The following WDR44 variants were observed in gnomAD, a reference collection of about 807,000 sequenced individuals.
WDR44 encodes WD repeat-containing protein 44.
Under a neutral mutation model 65.7 loss-of-function variants are expected in WDR44, and 9 were observed. The observed-to-expected ratio is 0.14, with a 90% confidence interval of 0.08 to 0.24. The LOEUF (loss-of-function observed/expected upper bound fraction) is 0.24, where lower values mean the gene tolerates loss of function less well. Among genes scored for constraint, WDR44 ranks in the 10% least tolerant of loss-of-function variants. WDR44 has a pLI of 1.00. For synonymous variants in WDR44, 220 were observed against 235.2 expected (o/e 0.94, Z 0.59); for missense variants, 425 against 670.9 (o/e 0.63, Z 4.05).
At chrX:118,382,794 T>C (rs1307959919) in intron 2 of WDR44, among the ~76,000 whole-genome samples, 1 of 112,114 alleles carries the variant, frequency 8.9e-6, no homozygotes, top group Admixed American at 9.5e-5. Context: ...TACCATACCT[T>C]TTAAGGAAGC....
chrX:118,378,125 T>C lies in WDR44; in HGVS notation c.78-294T>C, dbSNP rs186051436. Among the ~76,000 whole-genome samples, 5 of 110,223 alleles carry C rather than the reference T, an allele frequency of 4.5e-5. 1 individual carries two copies. Among genetic ancestry groups the C allele is most frequent in the African/African-American group, 1.7e-4 (5 of 30,278 alleles). On this transcript the variant is annotated intron_variant, in intron 1 of 19. Coordinates refer to ENST00000254029, the MANE Select transcript of WDR44 (RefSeq NM_019045.5). ...CACGCACCACCACACCCTGCTAATT[T>C]TTGTATTTTCTGTGGAGGTGGGGTT... is the stretch of plus-strand genomic sequence containing the variant.
chrX:118,402,047 CAT>C (rs1168971191), intron 8 of WDR44, among the ~76,000 whole-genome samples: 1 of 107,695 alleles, frequency 9.3e-6, no homozygotes, highest in Non-Finnish European at 1.9e-5. Context: ...TCAAATATAT[CAT>C]AGACATCTCT....
At chrX:118,393,462 C>A (rs1450021967) in intron 4 of WDR44, among the ~76,000 whole-genome samples, 191 bp downstream of exon 4, 2 of 110,761 alleles carry the variant, frequency 1.8e-5, no homozygotes, top group African/African-American at 3.3e-5. Context: ...CATGGTGGCA[C>A]GCGCCTGTAG....
intron 1 of WDR44, among the ~76,000 whole-genome samples, chrX:118,354,483 A>G (rs1325529141): frequency 9.0e-6 from 1 of 110,979 alleles, no homozygotes; most frequent in African/African-American, 3.3e-5. Context: ...AATTGTACAA[A>G]TAGACTTAAG....
chrX:118,407,142 G>A, intron 10 of WDR44, 116 bp downstream of exon 10: 2 of 709,775 alleles, frequency 2.8e-6, no homozygotes, highest in Non-Finnish European at 4.1e-6. Flanking sequence ...ACTCAAGAAC[G>A]GGGAATTTAT....
chrX:118,378,328 T>C, intron 1 of WDR44, 91 bp from the exon 2 acceptor site: 2 of 731,141 alleles, frequency 2.7e-6, no homozygotes, highest in Non-Finnish European at 4.1e-6. Flanking sequence ...TACACATTTT[T>C]TAAATGTGGA....
intron 13 of WDR44, among the ~76,000 whole-genome samples, chrX:118,434,279 A>G (rs72607629): frequency 2.7e-5 from 3 of 111,855 alleles, no homozygotes; most frequent in East Asian, 5.6e-4. Flanking sequence ...GTGCCAGCCT[A>G]TAAACCACCT....
chrX:118,442,094 C>T (rs1341175559), intron 15 of WDR44, 150 bp from the exon 16 acceptor site: 1 of 446,188 alleles, frequency 2.2e-6, no homozygotes, highest in Non-Finnish European at 3.9e-6. Context: ...CAAGTTAGAG[C>T]GTAGTGGTGC....
chrX:118,347,650 A>G (rs1569352795), intron 1 of WDR44, among the ~76,000 whole-genome samples: 2 of 112,570 alleles, frequency 1.8e-5, no homozygotes, highest in African/African-American at 3.2e-5. Flanking sequence ...GGGAGTAATA[A>G]CCCGCTGTGA....
intron 10 of WDR44, among the ~76,000 whole-genome samples, chrX:118,407,515 A>G (rs1453139442): frequency 1.8e-5 from 2 of 110,555 alleles, no homozygotes; most frequent in Admixed American, 9.7e-5. Flanking sequence ...AAAAAAAAAA[A>G]AAAGAAAGAA....
intron 8 of WDR44, among the ~76,000 whole-genome samples, chrX:118,401,920 C>CA (rs1052699683): frequency 4.5e-5 from 5 of 111,069 alleles, no homozygotes; most frequent in Non-Finnish European, 7.5e-5. Context: ...GTTTTAATAG[C>CA]ATGGTGTATT....
chrX:118,382,695 C>T (rs1460191098), intron 2 of WDR44, among the ~76,000 whole-genome samples: 1 of 111,014 alleles, frequency 9.0e-6, no homozygotes, highest in Non-Finnish European at 1.9e-5. Context: ...ATCTTATAAC[C>T]AAATACTGCA....
chrX:118,369,882 GAC>G (rs1404002921), intron 1 of WDR44, among the ~76,000 whole-genome samples: 1 of 112,344 alleles, frequency 8.9e-6, no homozygotes, highest in Non-Finnish European at 1.9e-5. Context: ...CTAAGTGGAA[GAC>G]ACACTAAATA....
At chrX:118,416,140 T>C (rs1342333657) in intron 12 of WDR44, among the ~76,000 whole-genome samples, 1 of 112,160 alleles carries the variant, frequency 8.9e-6, no homozygotes, top group Non-Finnish European at 1.9e-5. Flanking sequence ...CAGCTTTGTG[T>C]TTCATTTATC....
At chrX:118,382,499 T>A (rs187725931) in intron 2 of WDR44, among the ~76,000 whole-genome samples, 24 of 112,292 alleles carry the variant, frequency 2.1e-4, no homozygotes, top group Non-Finnish European at 2.8e-4. Flanking sequence ...TCTCCTTTTT[T>A]AAAAAATTTC....
At chrX:118,391,781 A>G (rs1395873826) in intron 3 of WDR44, among the ~76,000 whole-genome samples, 1 of 111,635 alleles carries the variant, frequency 9.0e-6, no homozygotes, top group African/African-American at 3.3e-5. Flanking sequence ...GTCGGGAGTT[A>G]AAGGCCAGCC....
At chrX:118,410,556 G>A (rs775513412) in intron 11 of WDR44, among the ~76,000 whole-genome samples, 4 of 111,490 alleles carry the variant, frequency 3.6e-5, no homozygotes, top group Non-Finnish European at 5.7e-5. Context: ...TGGCCCTTGA[G>A]ACTAACCCCA....
At chrX:118,444,087 A>G (rs1427051731) in intron 18 of WDR44, among the ~76,000 whole-genome samples, 1 of 111,690 alleles carries the variant, frequency 9.0e-6, no homozygotes, top group African/African-American at 3.3e-5. Context: ...TCATTTAGGC[A>G]TTATTTTAGA....
chrX:118,379,828 A>T (rs2056698651), intron 2 of WDR44, among the ~76,000 whole-genome samples: 1 of 111,985 alleles, frequency 8.9e-6, no homozygotes, highest in African/African-American at 3.2e-5. Context: ...CTTTAAAAGT[A>T]ATAACGTGTA....
Sources: allele counts gnomAD v4.1 joint callset (sites outside exome capture counted in the v4.1 genomes callset), GRCh38; gene constraint gnomAD v4.1.1; transcripts MANE v1.5; gene names NCBI Gene and HGNC (gene_info 2026-07-23, HGNC 2026-07-21).